ALOX5AP: variants seen among roughly 807,000 people sequenced by gnomAD.
ALOX5AP encodes arachidonate 5-lipoxygenase-activating protein.
ALOX5AP carries 9 observed loss-of-function variants against 18.5 expected under a neutral mutation model. The observed-to-expected ratio is 0.49, with a 90% CI of 0.29 to 0.85. The LOEUF (loss-of-function observed/expected upper bound fraction) is 0.85, where lower values mean the gene tolerates loss of function less well. Ranked by LOEUF, ALOX5AP falls within the 40% of genes least tolerant of loss-of-function variation. The pLI is 0.08. For missense variants in ALOX5AP, 172 were observed against 202.5 expected, an observed-to-expected ratio of 0.85 and a Z score of 0.91; for synonymous variants, 81 against 78.6, an observed-to-expected ratio of 1.03 and a Z score of -0.16.
At chr13:30,722,212 G>A (rs1056520928) in intron 1 of ALOX5AP, among the ~76,000 whole-genome samples, 7 of 152,152 alleles carry the variant, frequency 4.6e-5, no homozygotes, top group South Asian at 2.1e-4. Context: ...CCTAAAATGC[G>A]GTGCAGATGG....
upstream of ALOX5AP, among the ~76,000 whole-genome samples, chr13:30,732,877 C>G (rs1002916986): frequency 6.6e-6 from 1 of 151,864 alleles, no homozygotes; most frequent in Non-Finnish European, 1.5e-5. Flanking sequence ...AAGAGGGGGC[C>G]GGGCGCGGTG....
chr13:30,747,258 C>A (rs1951816674), intron 2 of ALOX5AP, among the ~76,000 whole-genome samples: 1 of 152,214 alleles, frequency 6.6e-6, no homozygotes, highest in African/African-American at 2.4e-5. Flanking sequence ...CTCACTGCAA[C>A]CTCGGCCTCC....
rs1042261637 is a variant in ALOX5AP at position 30,725,784 on chromosome 13, T to A, written c.117-9767T>A. On this transcript the variant is annotated intron_variant, in intron 1 of 5. Coordinates refer to the ALOX5AP transcript ENST00000617770. ...CCATTGCTTCTGACCAAGGAAGTAA[T>A]CTTACAGCAAAGGAAGTACAGATAT... Among the ~76,000 whole-genome samples, 17 of 152,296 alleles carry A rather than the reference T, an allele frequency of 1.1e-4. No individual in the cohort carries two copies. In the South Asian group the frequency reaches 3.1e-3, roughly 28 times the overall value.
intron 4 of ALOX5AP, 104 bp downstream of exon 4, chr13:30,756,129 C>A: frequency 9.0e-7 from 1 of 1,115,006 alleles, no homozygotes; most frequent in Non-Finnish European, 1.3e-6. Flanking sequence ...GGCTCCGTAG[C>A]ATCCCCTTGG....
intron 3 of ALOX5AP, among the ~76,000 whole-genome samples, chr13:30,754,903 C>T (rs769038706): frequency 2.0e-5 from 3 of 152,256 alleles, no homozygotes; most frequent in Non-Finnish European, 2.9e-5. Context: ...GGATTGGAGA[C>T]TCAAGTTCCC....
At chr13:30,720,034 G>T (rs922960719) in intron 1 of ALOX5AP, among the ~76,000 whole-genome samples, 2 of 152,110 alleles carry the variant, frequency 1.3e-5, no homozygotes, top group African/African-American at 4.8e-5. Flanking sequence ...GATAATTTTC[G>T]TATTTTTAGT....
intron 4 of ALOX5AP, among the ~76,000 whole-genome samples, chr13:30,763,322 AAAC>A (rs995428206): frequency 6.6e-6 from 1 of 152,206 alleles, no homozygotes; most frequent in Non-Finnish European, 1.5e-5. Context: ...ACAAAGAAAC[AAAC>A]AACAACAATA....
intron 1 of ALOX5AP, among the ~76,000 whole-genome samples, chr13:30,728,415 G>A (rs947487347): frequency 8.5e-5 from 13 of 152,244 alleles, no homozygotes; most frequent in Admixed American, 6.5e-4. Context: ...CTCCATAATT[G>A]CATAAGGTCT....
At chr13:30,744,918 G>C (rs1287646137) in intron 2 of ALOX5AP, among the ~76,000 whole-genome samples, 2 of 152,206 alleles carry the variant, frequency 1.3e-5, no homozygotes, top group Non-Finnish European at 2.9e-5. Context: ...AGAGCTAAGG[G>C]AGGAGCTGGC....
intron 1 of ALOX5AP, among the ~76,000 whole-genome samples, chr13:30,719,017 G>A (rs903980542): frequency 6.6e-5 from 10 of 152,102 alleles, no homozygotes; most frequent in African/African-American, 2.2e-4. Flanking sequence ...TGTTGCCATC[G>A]TGCCTGTCAG....
intron 1 of ALOX5AP, among the ~76,000 whole-genome samples, chr13:30,720,150 G>A (rs5004913): frequency 0.13 from 20,246 of 152,216 alleles, 1,374 homozygotes; most frequent in South Asian, 0.2. Flanking sequence ...GTGAGCCACC[G>A]CGCCCGGCCT....
chr13:30,753,011 T>C (rs1593442559), intron 3 of ALOX5AP, among the ~76,000 whole-genome samples: 1 of 152,364 alleles, frequency 6.6e-6, no homozygotes, highest in South Asian at 2.1e-4. Context: ...ATAATAAATA[T>C]ATATTGAAGA....
At chr13:30,738,569 T>C (rs2137805509) in intron 1 of ALOX5AP, among the ~76,000 whole-genome samples, 1 of 152,344 alleles carries the variant, frequency 6.6e-6, no homozygotes, top group South Asian at 2.1e-4. Context: ...GCATTTCTTA[T>C]GAGTAGCAGG....
At chr13:30,731,118 A>G (rs1951677601), upstream of ALOX5AP, among the ~76,000 whole-genome samples, 1 of 152,062 alleles carries the variant, frequency 6.6e-6, no homozygotes, top group South Asian at 2.1e-4. Context: ...GGGATATGTT[A>G]TTTCCCGTGA....
intron 3 of ALOX5AP, among the ~76,000 whole-genome samples, chr13:30,753,174 G>A (rs2137824273): frequency 6.6e-6 from 1 of 152,328 alleles, no homozygotes. Context: ...AGCGCCATAT[G>A]GGAAGAGAAC....
intron 1 of ALOX5AP, among the ~76,000 whole-genome samples, chr13:30,726,228 AG>A (rs1357944311): frequency 6.6e-6 from 1 of 152,200 alleles, no homozygotes; most frequent in East Asian, 1.9e-4. Flanking sequence ...CAAGCAAGGA[AG>A]GGGGTTCCTT....
chr13:30,737,170 C>T (rs542849658), intron 1 of ALOX5AP, among the ~76,000 whole-genome samples: 2 of 152,206 alleles, frequency 1.3e-5, no homozygotes, highest in Non-Finnish European at 2.9e-5. Flanking sequence ...GGACCTTGTG[C>T]CCCCTCCCTG....
At chr13:30,725,342 G>A (rs984210901) in intron 1 of ALOX5AP, among the ~76,000 whole-genome samples, 11 of 152,234 alleles carry the variant, frequency 7.2e-5, no homozygotes, top group Non-Finnish European at 1.5e-4. Context: ...CACAACAGAA[G>A]AGGATTTTAA....
chr13:30,737,394 T>G (rs1162113925), intron 1 of ALOX5AP, among the ~76,000 whole-genome samples: 1 of 152,196 alleles, frequency 6.6e-6, no homozygotes, highest in African/African-American at 2.4e-5. Context: ...CAAACCCTGT[T>G]CAGATTGAGG....
Sources: gnomAD v4.1 joint callset for allele counts (sites outside exome capture counted in the v4.1 genomes callset) on GRCh38, gnomAD v4.1.1 for gene constraint, MANE v1.5 for transcripts, NCBI Gene and HGNC (gene_info 2026-07-23, HGNC 2026-07-21) for gene names.